The following PRKCB variants were observed in gnomAD, a reference collection of about 807,000 sequenced individuals.
The protein encoded by PRKCB is protein kinase C beta type.
In PRKCB, 13 loss-of-function variants were observed where a neutral mutation model predicts 81.5. The observed-to-expected ratio is 0.16, with a 90% CI of 0.10 to 0.25. The LOEUF (loss-of-function observed/expected upper bound fraction) is 0.25, where lower values mean the gene tolerates loss of function less well. PRKCB is among the 10% of genes least tolerant of loss of function. The pLI is 1.00. For synonymous variants in PRKCB, 335 were observed against 321.4 expected, an observed-to-expected ratio of 1.04 and a Z score of -0.45; for missense variants, 509 against 875.7, an observed-to-expected ratio of 0.58 and a Z score of 5.29.
At chr16:24,153,438 C>G (rs765810393) in intron 9 of PRKCB, among the ~76,000 whole-genome samples, 1 of 152,172 alleles carries the variant, frequency 6.6e-6, no homozygotes, top group Non-Finnish European at 1.5e-5. Flanking sequence ...TTGTTGCCTG[C>G]AAAATATCTG....
At chr16:24,021,046 CTT>C (rs1965367546) in intron 3 of PRKCB, among the ~76,000 whole-genome samples, 1 of 82,986 alleles carries the variant, frequency 1.2e-5, no homozygotes, top group Middle Eastern at 5.4e-3. Flanking sequence ...CTTTCTCTTT[CTT>C]TCTTTCTTTC....
At chr16:23,867,851 CCT>C (rs1962834158) in intron 2 of PRKCB, among the ~76,000 whole-genome samples, 1 of 152,154 alleles carries the variant, frequency 6.6e-6, no homozygotes, top group African/African-American at 2.4e-5. Flanking sequence ...CTAACTTTTC[CCT>C]GTTAGCCAAA....
chr16:23,850,257 T>G (rs186808326), intron 2 of PRKCB, among the ~76,000 whole-genome samples: 5 of 152,358 alleles, frequency 3.3e-5, no homozygotes, highest in Admixed American at 6.5e-5. Flanking sequence ...ATCTTTGCTA[T>G]TGTAAGTAGT....
At chr16:24,145,832 G>GA (rs1966980197) in intron 9 of PRKCB, among the ~76,000 whole-genome samples, 2 of 152,358 alleles carry the variant, frequency 1.3e-5, no homozygotes. Context: ...GTTGTTTGGT[G>GA]AAAAGATGAT....
intron 5 of PRKCB, among the ~76,000 whole-genome samples, chr16:24,069,703 G>C (rs57797311): frequency 0.35 from 53,369 of 152,006 alleles, 10,495 homozygotes; most frequent in African/African-American, 0.54. Context: ...TTGCACTACT[G>C]TACTCCAGCC....
At position 24,123,869 on chromosome 16, in the gene PRKCB, A is replaced by C. The variant is rs1465185956; in HGVS notation, c.953A>C (p.Glu318Ala). The change falls in exon 9 of 17, where the codon GAA becomes GCA. Residue 318 changes from glutamate (E) to alanine (A), a missense_variant. Physicochemically the swap from Glu to Ala is moderately radical, Grantham distance 107. Transcript: ENST00000643927. ...AKISQGTKVPEEKTTNTVSKF... is the reference protein window; with the variant it reads ...AKISQGTKVPAEKTTNTVSKF... The stretch of plus-strand genomic sequence containing the variant: ...ATCAGTCAGGGAACCAAGGTCCCGG[A>C]AGAAAAGACGACCAACACTGTCTCC... The C allele has an allele frequency of 1.9e-6, 3 of 1,614,050 alleles. No homozygotes were observed. Among genetic ancestry groups the C allele is most frequent in the Non-Finnish European group, 2.5e-6 (3 of 1,180,028 alleles).
intron 5 of PRKCB, among the ~76,000 whole-genome samples, chr16:24,037,714 T>G (rs924148754): frequency 1.3e-5 from 2 of 152,136 alleles, no homozygotes; most frequent in Non-Finnish European, 2.9e-5. Flanking sequence ...GGTCAAAGTC[T>G]TCCCCCTTAA....
At chr16:24,192,322 G>C (rs530527088) in intron 16 of PRKCB, among the ~76,000 whole-genome samples, 1 of 152,268 alleles carries the variant, frequency 6.6e-6, no homozygotes, top group South Asian at 2.1e-4. Flanking sequence ...TTAATGTCCC[G>C]GTGTAGAGTC....
Position 24,219,267 on chromosome 16 carries a change from T to TTTG in PRKCB, c.*4454_*4456dup. 3 of 983,658 alleles carry TTTG rather than the reference T, an allele frequency of 3.0e-6. No homozygotes were observed. The highest frequency in any genetic ancestry group is 3.6e-6 in the Non-Finnish European group (3 of 828,366). The allele number at this position is 983,658 out of a possible 1,614,324, so 60.9% of individuals were successfully genotyped here. A position where few individuals can be genotyped will look rare whatever the true frequency, so the allele number is the denominator to read the frequency against. ...TTTCTTTTGTTTTGTTTTGTTTTGT[T>TTTG]TTGTTTTAAGGCTCCCCTTACACAC... On this transcript the variant is annotated 3_prime_UTR_variant, in exon 17 of 17. Transcript: ENST00000643927.
chr16:23,968,906 G>A (rs1964522453), intron 2 of PRKCB, among the ~76,000 whole-genome samples: 2 of 152,064 alleles, frequency 1.3e-5, no homozygotes, highest in South Asian at 4.2e-4. Flanking sequence ...CCTGAGAAAG[G>A]GCTTCAGTTT....
At chr16:24,150,045 G>A (rs764171397) in intron 9 of PRKCB, among the ~76,000 whole-genome samples, 79 of 152,160 alleles carry the variant, frequency 5.2e-4, no homozygotes, top group Middle Eastern at 3.4e-3. Flanking sequence ...AAAGGACCAC[G>A]CTAGGCTGAG....
intron 3 of PRKCB, among the ~76,000 whole-genome samples, chr16:24,007,167 A>G (rs1965136660): frequency 6.6e-6 from 1 of 152,216 alleles, no homozygotes. Flanking sequence ...CTATAAAAAG[A>G]GGATAAAATG....
At chr16:24,092,969 G>A (rs1966394807) in intron 6 of PRKCB, 22 bp downstream of exon 6, 2 of 1,608,104 alleles carry the variant, frequency 1.2e-6, no homozygotes, top group Admixed American at 1.7e-5. Context: ...TGACTGCAGT[G>A]AGCATGGGTG....
At position 23,882,025 on chromosome 16, in the gene PRKCB, C is replaced by CTCTTTCTTTCTTT. The variant is rs1597226197; in HGVS notation, c.205+44619_205+44620insTCTTTCTTTCTTT. On this transcript the variant is annotated intron_variant, in intron 2 of 16. Coordinates refer to ENST00000643927, the MANE Select transcript of PRKCB (RefSeq NM_002738.7). Reference sequence around the variant, plus strand: ...TTCTTTCTTTCTTTCTTTCTTTCTTCCTTCCTTCCTTCCTTCCTTCCTTCC... The same window carrying CTCTTTCTTTCTTT: ...TTCTTTCTTTCTTTCTTTCTTTCTTCTCTTTCTTTCTTTCTTCCTTCCTTCCTTCCTTCCTTCC... 3.7e-3 allele frequency among the ~76,000 whole-genome samples: 68 copies of CTCTTTCTTTCTTT among 18,324 alleles called. 5 individuals are homozygous for CTCTTTCTTTCTTT. The highest frequency in any genetic ancestry group is 0.01 in the East Asian group (2 of 194). 12.0% of individuals were successfully genotyped at this position (18,324 alleles called of 152,430 possible). A position where few individuals can be genotyped will look rare whatever the true frequency, so the allele number is the denominator to read the frequency against.
At chr16:23,902,788 CCCTCCCTCCCTT>C (rs1377318066) in intron 2 of PRKCB, among the ~76,000 whole-genome samples, 22 of 27,248 alleles carry the variant, frequency 8.1e-4, no homozygotes, top group African/African-American at 2.4e-3. Flanking sequence ...CTTCCTCCCT[CCCTCCCTCCCTT>C]CCTTCCTTCC....
chr16:24,088,492 C>T (rs112353309), intron 5 of PRKCB, among the ~76,000 whole-genome samples: 3 of 152,084 alleles, frequency 2.0e-5, no homozygotes, highest in African/African-American at 4.8e-5. Context: ...TTTGGGAGGC[C>T]GAAGCGGGAG....
At chr16:23,999,905 C>G (rs1168958622) in intron 3 of PRKCB, among the ~76,000 whole-genome samples, 1 of 152,110 alleles carries the variant, frequency 6.6e-6, no homozygotes, top group Non-Finnish European at 1.5e-5. Context: ...AAGATGGCCC[C>G]TTTCACATGA....
At chr16:24,154,636 C>A in intron 9 of PRKCB, 48 bp from the exon 10 acceptor site, 1 of 1,592,126 alleles carries the variant, frequency 6.3e-7, no homozygotes. Context: ...TCATAACTGG[C>A]CCCCAGACTC....
chr16:23,982,573 G>A (rs146631832), intron 2 of PRKCB, among the ~76,000 whole-genome samples: 333 of 151,870 alleles, frequency 2.2e-3, no homozygotes, highest in African/African-American at 7.8e-3. Context: ...GGGACCACAG[G>A]TGCCCACCAC....
Sources: gnomAD v4.1 joint callset for allele counts (sites outside exome capture counted in the v4.1 genomes callset) on GRCh38, gnomAD v4.1.1 for gene constraint, MANE v1.5 for transcripts, NCBI Gene and HGNC (gene_info 2026-07-23, HGNC 2026-07-21) for gene names.